The following PTPRD variants were observed in gnomAD, a reference collection of about 807,000 sequenced individuals.
PTPRD encodes receptor-type tyrosine-protein phosphatase delta.
Under a neutral mutation model 214.5 loss-of-function variants are expected in PTPRD, and 34 were observed. The observed-to-expected ratio is 0.16, with a 90% confidence interval of 0.12 to 0.21. The LOEUF is 0.21. PTPRD is among the 10% of genes least tolerant of loss of function. The probability of loss-of-function intolerance (pLI) is 1.00; values close to 1 mark genes in which losing one functional copy is unlikely to be tolerated. For missense variants in PTPRD, 2,545 were observed against 2,398.7 expected (o/e 1.06, Z -1.27); for synonymous variants, 1,128 against 845.7 (o/e 1.33, Z -5.79).
intron 3 of PTPRD, among the ~76,000 whole-genome samples, chr9:10,223,127 T>G (rs1337890128): frequency 6.6e-6 from 1 of 151,958 alleles, no homozygotes; most frequent in South Asian, 2.1e-4. Context: ...TTTTGTTTTG[T>G]TCCTTCTTTT....
At chr9:10,063,342 T>A (rs72694817) in intron 3 of PTPRD, among the ~76,000 whole-genome samples, 5,186 of 152,176 alleles carry the variant, frequency 0.034, 147 homozygotes, top group Admixed American at 0.079. Flanking sequence ...TGTCCCACTA[T>A]ACATATCAGT....
chr9:9,315,039 T>A (rs1332636626), intron 9 of PTPRD, among the ~76,000 whole-genome samples: 3 of 152,052 alleles, frequency 2.0e-5, no homozygotes, highest in African/African-American at 7.2e-5. Flanking sequence ...AGATTTTATT[T>A]ATTTTTACAT....
intron 2 of PTPRD, among the ~76,000 whole-genome samples, chr9:10,449,951 G>C (rs368862595): frequency 6.7e-6 from 1 of 150,296 alleles, no homozygotes; most frequent in Admixed American, 6.6e-5. Context: ...CCCCAACCCC[G>C]TGCTCTCTGA....
At chr9:8,486,988 A>C (rs1423240854) in intron 27 of PTPRD, among the ~76,000 whole-genome samples, 3 of 145,962 alleles carry the variant, frequency 2.1e-5, no homozygotes, top group African/African-American at 7.3e-5. Context: ...ATGTTGCTTA[A>C]AAGTTTAAAA....
At chr9:9,223,548 A>G (rs1440842126) in intron 9 of PTPRD, among the ~76,000 whole-genome samples, 1 of 152,028 alleles carries the variant, frequency 6.6e-6, no homozygotes, top group African/African-American at 2.4e-5. Flanking sequence ...TTCTGATGAA[A>G]CAGCCTATGC....
chr9:9,439,831 C>T lies in PTPRD; in HGVS notation c.-236-42349G>A, dbSNP rs80349268. Among the ~76,000 whole-genome samples, 930 of 152,240 alleles carry T rather than the reference C, an allele frequency of 6.1e-3. 11 individuals carry two copies. The highest frequency in any genetic ancestry group is 0.02 in the African/African-American group (832 of 41,534). ...ATCCAGTAATTCTAGGAAGTTGGTA[C>T]AATTTTTATCCCATTTTGTAGATGA... On this transcript the variant is annotated intron_variant, in intron 8 of 45. Transcript: ENST00000381196.
chr9:8,449,877 T>C, intron 33 of PTPRD, 40 bp from the exon 34 acceptor site: 3 of 1,591,964 alleles, frequency 1.9e-6, no homozygotes, highest in Non-Finnish European at 2.6e-6. Flanking sequence ...AAAAGAAAAA[T>C]CAATTGAAAC....
chr9:8,321,485 G>GTATATATATA (rs1486135985), intron 44 of PTPRD, among the ~76,000 whole-genome samples: 19 of 45,374 alleles, frequency 4.2e-4, no homozygotes, highest in African/African-American at 3.8e-4. Flanking sequence ...GTGTGTGTGT[G>GTATATATATA]TGTATATATA....
intron 11 of PTPRD, among the ~76,000 whole-genome samples, chr9:8,978,783 C>G (rs1205689786): frequency 1.3e-5 from 2 of 152,120 alleles, no homozygotes. Context: ...TTAAGTAATG[C>G]TGCTAAGTGA....
At chr9:10,533,534 T>G (rs772354636) in intron 2 of PTPRD, among the ~76,000 whole-genome samples, 13 of 79,010 alleles carry the variant, frequency 1.6e-4, no homozygotes, top group Non-Finnish European at 4.2e-4. Flanking sequence ...ATTTTTGGTG[T>G]TTTTTTTTCA....
intron 3 of PTPRD, among the ~76,000 whole-genome samples, chr9:10,119,108 C>T (rs2154246102): frequency 1.3e-5 from 2 of 151,994 alleles, no homozygotes; most frequent in Middle Eastern, 3.4e-3. Context: ...AATAGTACTG[C>T]TGAGCAGTGA....
At chr9:8,559,127 G>GA (rs1352779357) in intron 14 of PTPRD, among the ~76,000 whole-genome samples, 7 of 151,924 alleles carry the variant, frequency 4.6e-5, no homozygotes, top group Non-Finnish European at 1.0e-4. Flanking sequence ...TCCCAGAAAA[G>GA]AAAAAATTAA....
intron 10 of PTPRD, among the ~76,000 whole-genome samples, chr9:9,175,209 C>A (rs7873245): frequency 1.5e-3 from 232 of 152,230 alleles, no homozygotes; most frequent in African/African-American, 5.3e-3. Context: ...CAAGATTTTT[C>A]TAAAACGTTG....
At chr9:10,442,300 G>C (rs993321768) in intron 2 of PTPRD, among the ~76,000 whole-genome samples, 5 of 151,524 alleles carry the variant, frequency 3.3e-5, no homozygotes, top group Non-Finnish European at 7.4e-5. Context: ...AAGGAAAAAG[G>C]GTATTGAAGG....
At chr9:8,573,368 A>C (rs1056702261) in intron 14 of PTPRD, among the ~76,000 whole-genome samples, 3 of 152,028 alleles carry the variant, frequency 2.0e-5, no homozygotes, top group Non-Finnish European at 4.4e-5. Flanking sequence ...AGTAGTTTTA[A>C]AATAATCTAT....
At chr9:8,855,159 A>G (rs1268233878) in intron 11 of PTPRD, among the ~76,000 whole-genome samples, 1 of 151,710 alleles carries the variant, frequency 6.6e-6, no homozygotes, top group Non-Finnish European at 1.5e-5. Context: ...TCTCTCTAGG[A>G]AGGGTTTGCA....
chr9:9,806,033 C>T (rs939351886), intron 5 of PTPRD, among the ~76,000 whole-genome samples: 11 of 152,036 alleles, frequency 7.2e-5, no homozygotes, highest in African/African-American at 2.7e-4. Context: ...ATGCAAAAGC[C>T]ATTACATATA....
intron 8 of PTPRD, among the ~76,000 whole-genome samples, chr9:9,488,838 T>C (rs982150371): frequency 7.2e-5 from 11 of 152,134 alleles, no homozygotes; most frequent in African/African-American, 1.9e-4. Context: ...CAAGCAGCTG[T>C]GGACATGTTC....
At chr9:8,366,475 A>T (rs2079910545) in intron 39 of PTPRD, among the ~76,000 whole-genome samples, 1 of 152,192 alleles carries the variant, frequency 6.6e-6, no homozygotes, top group African/African-American at 2.4e-5. Context: ...CTTGGAAGAA[A>T]GTAGACAAAA....
Sources: allele counts gnomAD v4.1 joint callset (sites outside exome capture counted in the v4.1 genomes callset), GRCh38; gene constraint gnomAD v4.1.1; transcripts MANE v1.5; gene names NCBI Gene and HGNC (gene_info 2026-07-23, HGNC 2026-07-21).